Variants in BACH2 observed in about 807,000 individuals in gnomAD.
BACH2 encodes the protein BACH transcriptional regulator 2.
A neutral mutation model predicts 61.8 loss-of-function variants in BACH2; 5 were observed. That is an observed-to-expected ratio of 0.08 (90% CI 0.04 to 0.17). The LOEUF (loss-of-function observed/expected upper bound fraction) is 0.17, where lower values mean the gene tolerates loss of function less well. BACH2 is among the 10% of genes least tolerant of loss of function. The probability of loss-of-function intolerance (pLI) is 1.00; values close to 1 mark genes in which losing one functional copy is unlikely to be tolerated. For missense variants in BACH2, 824 were observed against 1,091.1 expected, an observed-to-expected ratio of 0.76 and a Z score of 3.45; for synonymous variants, 446 against 440.1, an observed-to-expected ratio of 1.01 and a Z score of -0.17.
intron 4 of BACH2, among the ~76,000 whole-genome samples, chr6:90,148,736 G>C (rs1177755410): frequency 6.6e-6 from 1 of 152,188 alleles, no homozygotes; most frequent in African/African-American, 2.4e-5. Context: ...AGGACTGTAA[G>C]ACACATTCAG....
At chr6:90,283,838 T>C (rs1771934903) in intron 1 of BACH2, among the ~76,000 whole-genome samples, 1 of 151,852 alleles carries the variant, frequency 6.6e-6, no homozygotes. Flanking sequence ...TGAAACCCCA[T>C]CTCTACTAAG....
intron 4 of BACH2, chr6:90,116,817 G>T: frequency 2.0e-6 from 1 of 510,548 alleles, no homozygotes; most frequent in South Asian, 2.8e-5. Flanking sequence ...TCTATGTAGA[G>T]GTGTTCTCAC....
intron 7 of BACH2, among the ~76,000 whole-genome samples, chr6:89,939,730 T>A (rs1458065481): frequency 7.0e-6 from 1 of 143,530 alleles, no homozygotes; most frequent in Non-Finnish European, 1.5e-5. Context: ...AGTGTTATGA[T>A]CACAGCTCAC....
At chr6:89,953,195 T>TG (rs1774232805) in intron 6 of BACH2, 3 of 152,324 alleles carry the variant, frequency 2.0e-5, no homozygotes, top group Admixed American at 2.0e-4. Context: ...TAATTGATGT[T>TG]CAAGATTCAA....
chr6:90,253,204 A>C (rs1290067655), intron 2 of BACH2, among the ~76,000 whole-genome samples: 1 of 152,142 alleles, frequency 6.6e-6, no homozygotes, highest in Non-Finnish European at 1.5e-5. Context: ...AGATTGCGCC[A>C]TTGTACTCCA....
chr6:90,246,251 G>A (rs1770633819), intron 3 of BACH2, among the ~76,000 whole-genome samples: 1 of 152,172 alleles, frequency 6.6e-6, no homozygotes, highest in Admixed American at 6.5e-5. Context: ...CAGTTATAAA[G>A]CAGAGTTGAT....
chr6:90,120,326 T>C (rs1231796972), intron 4 of BACH2, among the ~76,000 whole-genome samples: 1 of 151,844 alleles, frequency 6.6e-6, no homozygotes, highest in Non-Finnish European at 1.5e-5. Flanking sequence ...CTGCTTTCTC[T>C]ATTTCAGCAG....
At chr6:89,979,931 A>G in intron 6 of BACH2, among the ~76,000 whole-genome samples, 1 of 152,214 alleles carries the variant, frequency 6.6e-6, no homozygotes, top group East Asian at 1.9e-4. Context: ...GATAATGGAA[A>G]TGTTTCAAGT....
chr6:90,196,868 A>G (rs905689339), intron 4 of BACH2, among the ~76,000 whole-genome samples: 1 of 152,190 alleles, frequency 6.6e-6, no homozygotes. Flanking sequence ...AAAGAAAACC[A>G]AATAAACCAG....
chr6:90,061,998 G>A (rs1385385068), intron 5 of BACH2, among the ~76,000 whole-genome samples: 2 of 152,184 alleles, frequency 1.3e-5, no homozygotes, highest in African/African-American at 4.8e-5. Context: ...AAAGGAGAAT[G>A]TGACACAAGA....
chr6:90,084,006 T>A (rs1490096241), intron 5 of BACH2, among the ~76,000 whole-genome samples: 1 of 152,050 alleles, frequency 6.6e-6, no homozygotes, highest in Admixed American at 6.5e-5. Context: ...TCCTCCAGGG[T>A]TTACACCCCA....
At chr6:90,049,512 C>A (rs1293333470) in intron 5 of BACH2, among the ~76,000 whole-genome samples, 13 of 152,094 alleles carry the variant, frequency 8.5e-5, no homozygotes, top group Non-Finnish European at 1.5e-4. Flanking sequence ...CCAGTGAAGT[C>A]AATTTTATTT....
At chr6:89,937,811 G>A (rs1010125665) in intron 8 of BACH2, among the ~76,000 whole-genome samples, 5 of 152,176 alleles carry the variant, frequency 3.3e-5, no homozygotes, top group African/African-American at 7.2e-5. Context: ...GATTACAGGC[G>A]TGAGCCACCA....
chr6:90,099,651 C>T (rs1782531844), intron 4 of BACH2, among the ~76,000 whole-genome samples: 1 of 152,158 alleles, frequency 6.6e-6, no homozygotes, highest in South Asian at 2.1e-4. Flanking sequence ...TCATTCCCTT[C>T]TAACTCTTCA....
chr6:90,039,782 A>C (rs1345371669), intron 5 of BACH2, among the ~76,000 whole-genome samples: 2 of 152,238 alleles, frequency 1.3e-5, no homozygotes, highest in Non-Finnish European at 2.9e-5. Context: ...CAAGTAAAAA[A>C]CAGCGTTTAA....
intron 7 of BACH2, among the ~76,000 whole-genome samples, chr6:89,942,263 T>C (rs1333211093): frequency 6.6e-6 from 1 of 152,094 alleles, no homozygotes; most frequent in East Asian, 1.9e-4. Context: ...GCCAAGAACA[T>C]CTTGTCTGGA....
At chr6:90,255,173 T>C (rs1770937651) in intron 2 of BACH2, among the ~76,000 whole-genome samples, 1 of 152,212 alleles carries the variant, frequency 6.6e-6, no homozygotes. Flanking sequence ...TTGTTTTATT[T>C]ATTTAATTTT....
At chr6:90,218,501 T>C (rs1228306661) in intron 3 of BACH2, among the ~76,000 whole-genome samples, 1 of 148,492 alleles carries the variant, frequency 6.7e-6, no homozygotes, top group Non-Finnish European at 1.5e-5. Flanking sequence ...CTTTTTCTTT[T>C]CTTTCTTTTT....
At chr6:90,094,893 GGATT>G (rs1272516467) in intron 4 of BACH2, among the ~76,000 whole-genome samples, 5 of 151,004 alleles carry the variant, frequency 3.3e-5, no homozygotes, top group Non-Finnish European at 7.4e-5. Flanking sequence ...TTTCCCCTCT[GGATT>G]GAGTAGAAAG....
Sources: allele counts gnomAD v4.1 joint callset (sites outside exome capture counted in the v4.1 genomes callset), GRCh38; gene constraint gnomAD v4.1.1; transcripts MANE v1.5; gene names NCBI Gene and HGNC (gene_info 2026-07-23, HGNC 2026-07-21).